Variants in CNTN4 observed in about 807,000 individuals in gnomAD.
The protein encoded by CNTN4 is contactin-4.
A neutral mutation model predicts 122.5 loss-of-function variants in CNTN4; 77 were observed. The observed-to-expected ratio is 0.63, with a 90% confidence interval of 0.52 to 0.76. The LOEUF is 0.76. CNTN4 is among the 30% of genes least tolerant of loss of function. The pLI, the probability that CNTN4 is intolerant of heterozygous loss-of-function variation, is 0.00. For synonymous variants in CNTN4, 512 were observed against 447.0 expected (o/e 1.15, Z -1.83); for missense variants, 1,256 against 1,259.1 (o/e 1.00, Z 0.04).
rs80035955 is a variant in CNTN4, at chr3:2,233,006, T to G, written c.-144-106172T>G. On this transcript the variant is annotated intron_variant, in intron 2 of 24. Coordinates refer to ENST00000418658, the MANE Select transcript of CNTN4 (RefSeq NM_175607.3). ...TCTGAAATGAATCGAGCACTTCTGA[T>G]AGAAATCTGAGTGCATGCAAAGAAA... Among the ~76,000 whole-genome samples the G allele has an allele frequency of 7.8e-3, 1,190 of 152,296 alleles. 13 individuals carry two copies. The highest frequency in any genetic ancestry group is 0.027 in the African/African-American group (1,127 of 41,560).
intron 3 of CNTN4, among the ~76,000 whole-genome samples, chr3:2,427,472 G>A (rs1559543320): frequency 6.6e-6 from 1 of 152,182 alleles, no homozygotes; most frequent in African/African-American, 2.4e-5. Context: ...TACATTTGCT[G>A]AGGAGTTCTT....
intron 3 of CNTN4, among the ~76,000 whole-genome samples, chr3:2,376,230 G>A (rs2045810760): frequency 6.6e-6 from 1 of 152,162 alleles, no homozygotes; most frequent in African/African-American, 2.4e-5. Flanking sequence ...TTGCTGTGCT[G>A]CACTTCTCCT....
chr3:2,653,690 A>G (rs1257956642), intron 4 of CNTN4, among the ~76,000 whole-genome samples: 1 of 152,028 alleles, frequency 6.6e-6, no homozygotes, highest in Non-Finnish European at 1.5e-5. Context: ...TATTGCTTCT[A>G]TCTGTGTGAG....
Position 2,120,405 on chromosome 3 carries a change from ATT to A in CNTN4, c.-145+19782_-145+19783del, listed in dbSNP as rs57112843. On this transcript the variant is annotated intron_variant, in intron 2 of 24. Transcript: ENST00000418658. The stretch of plus-strand genomic sequence containing the variant: ...TATATATATATATATATATATATAT[ATT>A]TTTTTTTTTTTTTTTATGCAGAGTC... 6.7e-3 allele frequency among the ~76,000 whole-genome samples: 273 copies of A among 40,790 alleles called. 2 individuals are homozygous for A. The highest frequency in any genetic ancestry group is 0.01 in the African/African-American group (93 of 9,014). 26.8% of individuals were successfully genotyped at this position (40,790 alleles called of 152,430 possible). A position where few individuals can be genotyped will look rare whatever the true frequency, so the allele number is the denominator to read the frequency against.
chr3:2,552,832 G>T (rs137878995), intron 3 of CNTN4, among the ~76,000 whole-genome samples: 1 of 152,292 alleles, frequency 6.6e-6, no homozygotes, highest in Non-Finnish European at 1.5e-5. Context: ...ATTGGGAGAT[G>T]TGTTCAGAAG....
intron 4 of CNTN4, among the ~76,000 whole-genome samples, chr3:2,655,400 C>T (rs1196106079): frequency 6.6e-6 from 1 of 152,128 alleles, no homozygotes; most frequent in East Asian, 1.9e-4. Context: ...GTATGCCCTT[C>T]ACCTTTGTCA....
At chr3:2,964,784 A>C (rs1189222039) in intron 13 of CNTN4, among the ~76,000 whole-genome samples, 1 of 152,212 alleles carries the variant, frequency 6.6e-6, no homozygotes, top group Non-Finnish European at 1.5e-5. Context: ...ATAGATGAGG[A>C]AACTGAAGTT....
chr3:2,116,416 C>T (rs1439221234), intron 2 of CNTN4, among the ~76,000 whole-genome samples: 4 of 152,044 alleles, frequency 2.6e-5, no homozygotes, highest in Admixed American at 6.6e-5. Flanking sequence ...AAATGTCATC[C>T]TCAGAAACAC....
chr3:2,789,733 G>A (rs950397518), intron 6 of CNTN4, among the ~76,000 whole-genome samples: 4 of 152,082 alleles, frequency 2.6e-5, no homozygotes, highest in East Asian at 1.9e-4. Context: ...GCCTGGCCTC[G>A]GATTTATTTT....
intron 3 of CNTN4, among the ~76,000 whole-genome samples, chr3:2,409,395 C>T (rs2047152824): frequency 6.6e-6 from 1 of 151,860 alleles, no homozygotes; most frequent in Admixed American, 6.6e-5. Flanking sequence ...CTACAGGCGC[C>T]CGCCACCACG....
chr3:2,860,989 G>A (rs1435393456), intron 7 of CNTN4, among the ~76,000 whole-genome samples: 4 of 151,976 alleles, frequency 2.6e-5, no homozygotes, highest in South Asian at 2.1e-4. Context: ...TTTTTTTTTC[G>A]CAAAGGTCAG....
At chr3:2,485,454 C>T (rs186814044) in intron 3 of CNTN4, among the ~76,000 whole-genome samples, 1 of 152,310 alleles carries the variant, frequency 6.6e-6, no homozygotes, top group East Asian at 1.9e-4. Context: ...CTGTGTCTAG[C>T]TCAAGGTTTG....
At chr3:2,287,143 C>G (rs562746215) in intron 2 of CNTN4, among the ~76,000 whole-genome samples, 207 of 152,222 alleles carry the variant, frequency 1.4e-3, no homozygotes, top group African/African-American at 4.2e-3. Context: ...GTTGAACTAG[C>G]TAAGTTTTAC....
At chr3:2,317,893 T>G (rs1031736911) in intron 2 of CNTN4, among the ~76,000 whole-genome samples, 1 of 152,176 alleles carries the variant, frequency 6.6e-6, no homozygotes, top group Non-Finnish European at 1.5e-5. Flanking sequence ...TATCTTACTT[T>G]TGCATCAACG....
chr3:2,635,940 C>G (rs778636179), intron 4 of CNTN4, among the ~76,000 whole-genome samples: 3 of 152,158 alleles, frequency 2.0e-5, no homozygotes, highest in Non-Finnish European at 4.4e-5. Flanking sequence ...AACCGAGCAC[C>G]TGCTTCCTGT....
chr3:2,953,659 T>C (rs1394679044), intron 13 of CNTN4, among the ~76,000 whole-genome samples: 3 of 152,192 alleles, frequency 2.0e-5, no homozygotes, highest in Non-Finnish European at 4.4e-5. Flanking sequence ...TTTGAGTATA[T>C]TGAATGATAT....
chr3:2,936,701 G>A (rs2094570177), intron 13 of CNTN4, among the ~76,000 whole-genome samples: 1 of 152,042 alleles, frequency 6.6e-6, no homozygotes, highest in African/African-American at 2.4e-5. Flanking sequence ...TCTTATCCAG[G>A]CCTTGAAAAA....
chr3:2,368,254 G>A (rs13091687), intron 3 of CNTN4, among the ~76,000 whole-genome samples: 8,296 of 151,324 alleles, frequency 0.055, 265 homozygotes, highest in Middle Eastern at 0.065. Context: ...GGATGGTCTC[G>A]ATCTCCTGAC....
At chr3:2,590,105 G>A (rs773498842) in intron 4 of CNTN4, among the ~76,000 whole-genome samples, 87 of 152,244 alleles carry the variant, frequency 5.7e-4, no homozygotes, top group Admixed American at 2.4e-3. Flanking sequence ...ACAAACTGTC[G>A]TCAGTTCTTA....
Sources: gnomAD v4.1 joint callset for allele counts (sites outside exome capture counted in the v4.1 genomes callset) on GRCh38, gnomAD v4.1.1 for gene constraint, MANE v1.5 for transcripts, NCBI Gene and HGNC (gene_info 2026-07-23, HGNC 2026-07-21) for gene names.